The following SHC4 variants were observed in gnomAD, a reference collection of about 807,000 sequenced individuals.
The protein encoded by SHC4 is SHC-transforming protein 4.
A neutral mutation model predicts 69.4 loss-of-function variants in SHC4; 41 were observed. That is an observed-to-expected ratio of 0.59 (90% CI 0.46 to 0.77). SHC4 has a LOEUF of 0.77. SHC4 is among the 30% of genes least tolerant of loss of function. The pLI, the probability that SHC4 is intolerant of heterozygous loss-of-function variation, is 0.00. For missense variants in SHC4, 777 were observed against 783.8 expected (o/e 0.99, Z 0.10); for synonymous variants, 318 against 299.3 (o/e 1.06, Z -0.64).
chr15:48,946,864 G>T (rs930231094), intron 1 of SHC4, among the ~76,000 whole-genome samples: 1 of 152,184 alleles, frequency 6.6e-6, no homozygotes, highest in Non-Finnish European at 1.5e-5. Flanking sequence ...GTGAACAGCA[G>T]ATATCTATTT....
chr15:48,895,179 A>G (rs982990293), intron 2 of SHC4, among the ~76,000 whole-genome samples: 1 of 152,128 alleles, frequency 6.6e-6, no homozygotes, highest in Non-Finnish European at 1.5e-5. Flanking sequence ...TCATTGAGTC[A>G]TAACAGTACC....
chr15:48,870,671 C>T (rs1015478378), intron 5 of SHC4, among the ~76,000 whole-genome samples: 6 of 150,366 alleles, frequency 4.0e-5, no homozygotes, highest in African/African-American at 1.5e-4. Context: ...GAGTGAGACG[C>T]CGTCTCAAAA....
intron 1 of SHC4, among the ~76,000 whole-genome samples, chr15:48,951,097 A>G (rs1901358161): frequency 6.6e-6 from 1 of 151,982 alleles, no homozygotes; most frequent in African/African-American, 2.4e-5. Flanking sequence ...AGCCTTGTCC[A>G]TTCCACGGGC....
intron 1 of SHC4, 123 bp downstream of exon 1, chr15:48,962,308 A>G (rs1901557347): frequency 3.0e-6 from 3 of 1,016,092 alleles, no homozygotes; most frequent in Middle Eastern, 2.4e-4. Context: ...GCCTTGGTCC[A>G]GTTGAATCAT....
chr15:48,960,355 A>T (rs1337733797), intron 1 of SHC4, among the ~76,000 whole-genome samples: 10 of 152,170 alleles, frequency 6.6e-5, no homozygotes, highest in Non-Finnish European at 1.5e-4. Context: ...AGGCAAGTGC[A>T]GAGAGCCCAG....
chr15:48,878,284 G>C, intron 4 of SHC4: 4 of 1,613,720 alleles, frequency 2.5e-6, no homozygotes, highest in Non-Finnish European at 3.4e-6. Flanking sequence ...TAGGCAGCGG[G>C]AGCCGGGAGC....
intron 11 of SHC4, 139 bp downstream of exon 11, chr15:48,834,630 G>A (rs1025382365): frequency 7.9e-7 from 1 of 1,265,234 alleles, no homozygotes; most frequent in African/African-American, 1.5e-5. Flanking sequence ...TAGTTAGCAT[G>A]TCCTGCTCCA....
rs904687007 is a variant in SHC4 at position 48,825,524 on chromosome 15, C to CT, written c.*446dup. 79 of 147,096 alleles carry CT rather than the reference C, an allele frequency of 5.4e-4. No homozygotes were observed. Among genetic ancestry groups the CT allele is most frequent in the African/African-American group, 1.0e-3 (41 of 39,856 alleles). 9.1% of individuals were successfully genotyped at this position (147,096 alleles called of 1,614,324 possible). A position where few individuals can be genotyped will look rare whatever the true frequency, so the allele number is the denominator to read the frequency against. ...TGCTTATTTTTTGTAGCAAGAAAAG[C>CT]TTTTTTTTTTGGCAAATGGTTCTAT... On this transcript the variant is annotated 3_prime_UTR_variant, in exon 12 of 12. Coordinates refer to ENST00000332408, the MANE Select transcript of SHC4 (RefSeq NM_203349.4).
At chr15:48,953,333 G>C (rs536444036) in intron 1 of SHC4, among the ~76,000 whole-genome samples, 39 of 152,204 alleles carry the variant, frequency 2.6e-4, no homozygotes, top group African/African-American at 9.2e-4. Context: ...CTTAATACCT[G>C]AGTGATGAAA....
Position 48,924,797 on chromosome 15 carries a change from G to A in SHC4, c.656+82C>T, listed in dbSNP as rs752815292. On this transcript the variant is annotated intron_variant, in intron 2 of 11. Transcript: ENST00000332408. ...ATAAAAGTGCATAATGAATTGGAAG[G>A]TTTGCATAAAATTCCTGTGGGAGAA... The A allele has an allele frequency of 3.0e-4, 429 of 1,438,504 alleles. 2 individuals carry two copies. The highest frequency in any genetic ancestry group is 3.9e-4 in the Non-Finnish European group (395 of 1,021,958). The allele number at this position is 1,438,504 out of a possible 1,614,324, so 89.1% of individuals were successfully genotyped here.
At chr15:48,827,861 C>A (rs1237856860) in intron 11 of SHC4, among the ~76,000 whole-genome samples, 1 of 152,176 alleles carries the variant, frequency 6.6e-6, no homozygotes, top group African/African-American at 2.4e-5. Flanking sequence ...TGGGCCTCTG[C>A]TCTGCATGAC....
rs577913117 is a variant in SHC4 at position 48,871,075 on chromosome 15, C to T, written c.894+1014G>A. 2.0e-5 allele frequency among the ~76,000 whole-genome samples: 3 copies of T among 152,266 alleles called. No homozygotes were observed. In the South Asian group the frequency reaches 6.2e-4, roughly 32 times the overall value. On this transcript the variant is annotated intron_variant, in intron 5 of 11. Transcript: ENST00000332408. Reference sequence around the variant, plus strand: ...ATTTATGACTCTACATTTTATTCCTCAATTACAGGTGAAAACTAAATGTGG... The same window carrying T: ...ATTTATGACTCTACATTTTATTCCTTAATTACAGGTGAAAACTAAATGTGG...
intron 3 of SHC4, among the ~76,000 whole-genome samples, chr15:48,887,463 A>G (rs1401068826): frequency 1.3e-5 from 2 of 152,352 alleles, no homozygotes; most frequent in African/African-American, 4.8e-5. Flanking sequence ...TTAACAAAGT[A>G]TAAAAACCAC....
chr15:48,941,867 T>C (rs1291854743), intron 1 of SHC4, among the ~76,000 whole-genome samples: 1 of 152,166 alleles, frequency 6.6e-6, no homozygotes, highest in Non-Finnish European at 1.5e-5. Context: ...TTGTATTCAT[T>C]AAGTAATTTT....
intron 2 of SHC4, among the ~76,000 whole-genome samples, chr15:48,904,763 G>A (rs1900377925): frequency 6.6e-6 from 1 of 151,762 alleles, no homozygotes; most frequent in African/African-American, 2.4e-5. Context: ...CTGTATGACT[G>A]TGGTCCTAGC....
chr15:48,830,706 C>A (rs1898781442), intron 11 of SHC4, among the ~76,000 whole-genome samples: 1 of 152,196 alleles, frequency 6.6e-6, no homozygotes, highest in Non-Finnish European at 1.5e-5. Context: ...GGATCCCCAA[C>A]ACCAAAAGGT....
intron 3 of SHC4, among the ~76,000 whole-genome samples, chr15:48,886,201 G>A (rs1900033004): frequency 6.6e-6 from 1 of 152,134 alleles, no homozygotes; most frequent in Non-Finnish European, 1.5e-5. Flanking sequence ...AGGTCACAGT[G>A]AGCCAAGATT....
intron 2 of SHC4, among the ~76,000 whole-genome samples, chr15:48,913,366 G>C (rs1358246141): frequency 2.0e-5 from 3 of 151,996 alleles, no homozygotes; most frequent in African/African-American, 7.3e-5. Context: ...TTGGTTGTCA[G>C]GGAAGTCAGG....
intron 4 of SHC4, chr15:48,879,100 C>T (rs1899889673): frequency 1.0e-5 from 2 of 195,640 alleles, no homozygotes; most frequent in African/African-American, 4.7e-5. Context: ...CCAAGACAAA[C>T]TGCCAATACA....
Sources: allele counts gnomAD v4.1 joint callset (sites outside exome capture counted in the v4.1 genomes callset), GRCh38; gene constraint gnomAD v4.1.1; transcripts MANE v1.5; gene names NCBI Gene and HGNC (gene_info 2026-07-23, HGNC 2026-07-21).